The following KMT2E variants were observed in gnomAD, a reference collection of about 807,000 sequenced individuals.
KMT2E encodes the protein histone reader KMT2E.
Under a neutral mutation model 184.6 loss-of-function variants are expected in KMT2E, and 30 were observed. The ratio of observed to expected loss-of-function variants is 0.16; its 90% confidence interval spans 0.12 to 0.22. KMT2E has a LOEUF of 0.22. Ranked by LOEUF, KMT2E falls within the 10% of genes least tolerant of loss-of-function variation. The pLI is 1.00. For missense variants in KMT2E, 2,023 were observed against 2,237.4 expected (o/e 0.90, Z 1.93); for synonymous variants, 815 against 776.5 (o/e 1.05, Z -0.82).
Position 105,014,222 on chromosome 7 carries a change from C to T in KMT2E, c.-502C>T. On this transcript the variant is annotated 5_prime_UTR_variant, in exon 1 of 27. Coordinates refer to ENST00000311117, the MANE Select transcript of KMT2E (RefSeq NM_182931.3). ...ATTTTCCCAGAGCGAGAGGCAGTGACACTGAGCGGGCGCAGGGGGCCGAGT... is the reference window on the plus strand; with the variant it reads ...ATTTTCCCAGAGCGAGAGGCAGTGATACTGAGCGGGCGCAGGGGGCCGAGT... 5.1e-6 allele frequency: 1 copy of T among 197,852 alleles called. No individual in the cohort carries two copies. The highest frequency in any genetic ancestry group is 9.8e-6 in the Non-Finnish European group (1 of 102,290). 12.3% of individuals were successfully genotyped at this position (197,852 alleles called of 1,614,324 possible). A position where few individuals can be genotyped will look rare whatever the true frequency, so the allele number is the denominator to read the frequency against.
At chr7:105,020,416 C>T (rs939682715) in intron 1 of KMT2E, among the ~76,000 whole-genome samples, 2 of 151,934 alleles carry the variant, frequency 1.3e-5, no homozygotes, top group African/African-American at 4.8e-5. Context: ...CATGGTGAAA[C>T]CCCATCTCTG....
At chr7:105,033,396 C>T (rs1162746959) in intron 1 of KMT2E, among the ~76,000 whole-genome samples, 1 of 152,102 alleles carries the variant, frequency 6.6e-6, no homozygotes, top group African/African-American at 2.4e-5. Flanking sequence ...TATTTTTACC[C>T]AGTGTCTTAG....
At chr7:105,087,421 CTTTTTT>C (rs1251903238) in intron 13 of KMT2E, among the ~76,000 whole-genome samples, 1 of 146,214 alleles carries the variant, frequency 6.8e-6, no homozygotes, top group Non-Finnish European at 1.5e-5. Flanking sequence ...AGGTCTTTTT[CTTTTTT>C]TTTGTTTTTT....
At chr7:105,079,502 T>C (rs1446366923) in intron 12 of KMT2E, among the ~76,000 whole-genome samples, 2 of 146,362 alleles carry the variant, frequency 1.4e-5, no homozygotes, top group Non-Finnish European at 3.0e-5. Flanking sequence ...AGAGGAAATA[T>C]TGGACTTCCT....
At chr7:105,046,003 C>T (rs1475499221) in intron 3 of KMT2E, among the ~76,000 whole-genome samples, 1 of 151,998 alleles carries the variant, frequency 6.6e-6, no homozygotes, top group Non-Finnish European at 1.5e-5. Context: ...ATGTCATCTA[C>T]TTCTATAGCT....
chr7:105,102,360 A>G (rs1255201743), intron 17 of KMT2E, 166 bp downstream of exon 17: 1 of 538,282 alleles, frequency 1.9e-6, no homozygotes, highest in Non-Finnish European at 3.1e-6. Flanking sequence ...TAAAATTAAT[A>G]TAAATGTTTG....
rs1797514438 is a variant in KMT2E at position 105,076,060 on chromosome 7, T to C, written c.747T>C (p.Ser249=). The change falls in exon 9 of 27, where the codon TCT becomes TCC. Residue 249 remains serine (S), a synonymous_variant. Transcript: ENST00000311117. The part of the protein sequence containing the change: ...SKCKKAFREG[S]RKSSRVKGSA... ...TATTTTAGGCATTTCGTGAAGGATC[T>C]AGGAAGTCATCAAGAGTTAAGGTAA... 1.9e-6 allele frequency: 3 copies of C among 1,601,796 alleles called. No individual in the cohort carries two copies. The highest frequency in any genetic ancestry group is 2.6e-6 in the Non-Finnish European group (3 of 1,169,302).
In KMT2E at chr7:105,113,286, G is replaced by T; in HGVS notation, c.5530G>T (p.Val1844Leu). Residue 1844 changes from valine to leucine, a missense_variant, in exon 27 of 27, where the codon GTG (valine) becomes TTG (leucine). Val to Leu is a conservative substitution (Grantham distance 32, BLOSUM62 1). This residue lies in a region of KMT2E where 1,108 missense variants were observed against 1,050.9 expected (regional missense o/e 1.05). Coordinates refer to ENST00000311117, the MANE Select transcript of KMT2E (RefSeq NM_182931.3). ...ACAGATTCCAATTCACAGAGCACAG[G>T]TGCCACCAACATTTCAAAACAATTA... ...PGQIPIHRAQ[V>L]PPTFQNNYHG... 1 of 1,613,744 alleles carries T rather than the reference G, an allele frequency of 6.2e-7. No individual in the cohort carries two copies. Among genetic ancestry groups the T allele is most frequent in the East Asian group, 2.2e-5 (1 of 44,852 alleles).
rs869055986 is a variant in KMT2E at position 105,071,608 on chromosome 7, A to AT, written c.498-1983dup. ...TATATATATATATATATATATATAT[A>AT]TTTTTTTTTTTTTTTTTTTTTTTTT... is the stretch of plus-strand genomic sequence containing the variant. On this transcript the variant is annotated intron_variant, in intron 6 of 26. Transcript: ENST00000311117. Among the ~76,000 whole-genome samples the AT allele has an allele frequency of 5.3e-3, 168 of 31,884 alleles. 20 individuals carry two copies. The highest frequency in any genetic ancestry group is 7.8e-3 in the Non-Finnish European group (147 of 18,962). 20.9% of individuals were successfully genotyped at this position (31,884 alleles called of 152,430 possible). A position where few individuals can be genotyped will look rare whatever the true frequency, so the allele number is the denominator to read the frequency against.
In KMT2E at chr7:105,040,873, A is replaced by G. The variant is rs1431692112; in HGVS notation, c.-80A>G. ...ATGCACTTAGATGTTTGCAATGAGC[A>G]CTGTGGCTGGCATGCCCCAGTGTTT... On this transcript the variant is annotated 5_prime_UTR_variant, in exon 3 of 27. Transcript: ENST00000311117. 2 of 978,296 alleles carry G rather than the reference A, an allele frequency of 2.0e-6. No individual in the cohort carries two copies. Among genetic ancestry groups the G allele is most frequent in the Non-Finnish European group, 3.2e-6 (2 of 626,166 alleles). The allele number at this position is 978,296 out of a possible 1,614,324, so 60.6% of individuals were successfully genotyped here. A position where few individuals can be genotyped will look rare whatever the true frequency, so the allele number is the denominator to read the frequency against.
At chr7:105,086,925 G>A (rs1356926760) in intron 13 of KMT2E, among the ~76,000 whole-genome samples, 2 of 143,918 alleles carry the variant, frequency 1.4e-5, no homozygotes, top group African/African-American at 5.1e-5. Flanking sequence ...GCATATATAT[G>A]CTACATATAA....
At chr7:105,109,407 T>C (rs1799076329) in intron 23 of KMT2E, among the ~76,000 whole-genome samples, 179 bp downstream of exon 23, 1 of 152,230 alleles carries the variant, frequency 6.6e-6, no homozygotes, top group Non-Finnish European at 1.5e-5. Flanking sequence ...TAAATGTCGA[T>C]TGTATTTATT....
intron 3 of KMT2E, among the ~76,000 whole-genome samples, chr7:105,058,087 A>G (rs1466251876): frequency 2.0e-5 from 3 of 152,194 alleles, no homozygotes; most frequent in African/African-American, 7.2e-5. Context: ...AATTCAGCCT[A>G]TAGAAGTTTT....
In KMT2E at chr7:105,097,382, T is replaced by C. The variant is rs1269951100; in HGVS notation, c.1723-4043T>C. On this transcript the variant is annotated intron_variant, in intron 15 of 26. Coordinates refer to ENST00000311117, the MANE Select transcript of KMT2E (RefSeq NM_182931.3). ...TGGTGTTAGTGAAAGGGAACCTGTTTATTATTTTTTTCATTTTTTTTGAGA... is the reference window on the plus strand; with the variant it reads ...TGGTGTTAGTGAAAGGGAACCTGTTCATTATTTTTTTCATTTTTTTTGAGA... Among the ~76,000 whole-genome samples, 5 of 152,144 alleles carry C rather than the reference T, an allele frequency of 3.3e-5. No individual in the cohort carries two copies. The East Asian group carries it at 9.6e-4, about 29-fold the overall frequency.
intron 1 of KMT2E, among the ~76,000 whole-genome samples, chr7:105,017,469 A>AT (rs1378453587): frequency 1.5e-5 from 2 of 133,596 alleles, no homozygotes; most frequent in African/African-American, 5.5e-5. Flanking sequence ...CTGTAAAATG[A>AT]TACTGGCTTT....
At chr7:105,062,598 T>A (rs1466870657) in intron 4 of KMT2E, among the ~76,000 whole-genome samples, 3 of 151,940 alleles carry the variant, frequency 2.0e-5, no homozygotes, top group Non-Finnish European at 4.4e-5. Context: ...TTGTTTTAAT[T>A]TTTTGATTTT....
At chr7:105,086,097 CATTT>C (rs1797953088) in intron 13 of KMT2E, among the ~76,000 whole-genome samples, 1 of 152,004 alleles carries the variant, frequency 6.6e-6, no homozygotes, top group Non-Finnish European at 1.5e-5. Context: ...ATTTTTTTCA[CATTT>C]ATTACGTGAG....
Position 105,065,501 on chromosome 7 carries a change from T to C in KMT2E, c.417-1226T>C, listed in dbSNP as rs181919757. Among the ~76,000 whole-genome samples the C allele has an allele frequency of 7.6e-4, 115 of 152,312 alleles. No homozygotes were observed. The Middle Eastern group carries it at 0.01, about 14-fold the overall frequency. ...TAGTCCCTCCTTTCCCTGGGGTATA[T>C]GTTCCAAGACGCCCAGTAGATGCCT... is the stretch of plus-strand genomic sequence containing the variant. On this transcript the variant is annotated intron_variant, in intron 5 of 26. Coordinates refer to ENST00000311117, the MANE Select transcript of KMT2E (RefSeq NM_182931.3).
intron 1 of KMT2E, among the ~76,000 whole-genome samples, chr7:105,021,878 A>T (rs1354642433): frequency 6.6e-6 from 1 of 152,172 alleles, no homozygotes; most frequent in African/African-American, 2.4e-5. Flanking sequence ...AAACCAAGAT[A>T]TTTTTGGTTT....
Sources: allele counts gnomAD v4.1 joint callset (sites outside exome capture counted in the v4.1 genomes callset), GRCh38; gene constraint gnomAD v4.1.1; regional missense constraint gnomAD v4.1.1; transcripts MANE v1.5; gene names NCBI Gene and HGNC (gene_info 2026-07-23, HGNC 2026-07-21).